NUDCD1: variants seen among roughly 807,000 people sequenced by gnomAD.
NUDCD1 encodes nudC domain-containing protein 1.
In NUDCD1, 60 loss-of-function variants were observed where a neutral mutation model predicts 67.8. The ratio of observed to expected loss-of-function variants is 0.88; its 90% CI spans 0.72 to 1.10. The LOEUF (loss-of-function observed/expected upper bound fraction) is 1.10. Among genes scored for constraint, NUDCD1 ranks in the 50% least tolerant of loss-of-function variants. The pLI is 0.00. For synonymous variants in NUDCD1, 244 were observed against 230.8 expected, an observed-to-expected ratio of 1.06 and a Z score of -0.52; for missense variants, 643 against 695.0, an observed-to-expected ratio of 0.93 and a Z score of 0.84.
At chr8:109,289,622 A>T in intron 5 of NUDCD1, 129 bp downstream of exon 5, 1 of 527,258 alleles carries the variant, frequency 1.9e-6, no homozygotes, top group South Asian at 3.3e-5. Context: ...TGGAAAATAC[A>T]TGAGAAAATA....
intron 8 of NUDCD1, among the ~76,000 whole-genome samples, chr8:109,264,239 AT>A (rs1163911207): frequency 6.6e-6 from 1 of 152,172 alleles, no homozygotes; most frequent in African/African-American, 2.4e-5. Flanking sequence ...TTTGGCAAAC[AT>A]TTTTCCAAAG....
At chr8:109,305,345 C>A (rs1467833937) in intron 2 of NUDCD1, among the ~76,000 whole-genome samples, 1 of 152,084 alleles carries the variant, frequency 6.6e-6, no homozygotes, top group Non-Finnish European at 1.5e-5. Context: ...TTTGGCCTTC[C>A]CACCTCTATA....
intron 3 of NUDCD1, among the ~76,000 whole-genome samples, chr8:109,295,912 T>C (rs913908196): frequency 1.3e-5 from 2 of 152,150 alleles, no homozygotes; most frequent in African/African-American, 4.8e-5. Flanking sequence ...AAAGTAAAAA[T>C]GTTGTCTTGG....
intron 2 of NUDCD1, among the ~76,000 whole-genome samples, chr8:109,319,766 A>G (rs1039351039): frequency 2.0e-5 from 3 of 152,206 alleles, no homozygotes; most frequent in Non-Finnish European, 4.4e-5. Context: ...CAAAGATGAA[A>G]AGTTTATTTT....
chr8:109,273,274 T>C (rs953200069), intron 7 of NUDCD1, among the ~76,000 whole-genome samples: 7 of 152,172 alleles, frequency 4.6e-5, no homozygotes, highest in South Asian at 2.1e-4. Context: ...AGGCTTTCAG[T>C]TGAGATAAAT....
chr8:109,297,576 A>T (rs1191348644), intron 2 of NUDCD1, among the ~76,000 whole-genome samples: 1 of 152,132 alleles, frequency 6.6e-6, no homozygotes, highest in East Asian at 1.9e-4. Context: ...TCCTTTCTGG[A>T]GGATGCAATG....
chr8:109,258,902 T>C (rs916797397), intron 8 of NUDCD1, among the ~76,000 whole-genome samples: 1 of 152,142 alleles, frequency 6.6e-6, no homozygotes, highest in Non-Finnish European at 1.5e-5. Flanking sequence ...TAATAATAAT[T>C]GGCAACCAAT....
intron 7 of NUDCD1, among the ~76,000 whole-genome samples, chr8:109,272,275 T>C (rs1431058316): frequency 6.6e-6 from 1 of 151,236 alleles, no homozygotes; most frequent in Non-Finnish European, 1.5e-5. Flanking sequence ...AAGAATAGAG[T>C]GGAAAATATA....
intron 2 of NUDCD1, among the ~76,000 whole-genome samples, chr8:109,305,493 G>A (rs370580094): frequency 2.6e-5 from 4 of 152,078 alleles, no homozygotes; most frequent in African/African-American, 9.7e-5. Context: ...ACCTCACCAA[G>A]CTCAGCCTCC....
Position 109,242,416 on chromosome 8 carries a change from A to G in NUDCD1, c.*593T>C, listed in dbSNP as rs925937556. On this transcript the variant is annotated 3_prime_UTR_variant, in exon 10 of 10. Transcript: ENST00000239690. ...TTGTTATGCAGTGATGGATAATGTG[A>G]AATCTTATCTCTCTTTGTCTATGTC... 2 of 323,198 alleles carry G rather than the reference A, an allele frequency of 6.2e-6. No individual in the cohort carries two copies. The highest frequency in any genetic ancestry group is 1.1e-5 in the Non-Finnish European group (2 of 179,534). 20.0% of individuals were successfully genotyped at this position (323,198 alleles called of 1,614,324 possible). A position where few individuals can be genotyped will look rare whatever the true frequency, so the allele number is the denominator to read the frequency against.
At chr8:109,305,000 T>C (rs1008501729) in intron 2 of NUDCD1, among the ~76,000 whole-genome samples, 1 of 152,208 alleles carries the variant, frequency 6.6e-6, no homozygotes, top group Admixed American at 6.5e-5. Context: ...CTCTTCCATG[T>C]AGGTTACAAG....
intron 1 of NUDCD1, among the ~76,000 whole-genome samples, chr8:109,333,248 G>C (rs995079088): frequency 5.0e-4 from 76 of 152,102 alleles, no homozygotes; most frequent in African/African-American, 1.6e-3. Context: ...GCAGATCTCT[G>C]GGCTCTATCA....
chr8:109,251,085 G>A (rs1813611821), intron 8 of NUDCD1, among the ~76,000 whole-genome samples: 1 of 152,032 alleles, frequency 6.6e-6, no homozygotes, highest in African/African-American at 2.4e-5. Context: ...GCCATCTGCG[G>A]CTGGAGATTT....
At chr8:109,325,884 C>A (rs148012104) in intron 1 of NUDCD1, among the ~76,000 whole-genome samples, 2 of 152,174 alleles carry the variant, frequency 1.3e-5, no homozygotes, top group African/African-American at 4.8e-5. Flanking sequence ...AAAGCTATTG[C>A]AATCATCTGG....
In NUDCD1 at chr8:109,293,361, A is replaced by C; in HGVS notation, c.623T>G (p.Ile208Ser). The stretch of plus-strand genomic sequence containing the variant: ...TGTTTTACCTTGATTTTTCTTACTG[A>C]TAGTGACCCACTCCAGAGAAACATA... Reference protein sequence around the residue: ...GFYVSLEWVTISKKNQDNKKY... With the variant: ...GFYVSLEWVTSSKKNQDNKKY... Residue 208 changes from isoleucine to serine, a missense_variant, in exon 4 of 10, where the codon ATC becomes AGC. Coordinates refer to ENST00000239690, the MANE Select transcript of NUDCD1 (RefSeq NM_032869.4). The C allele has an allele frequency of 6.4e-7, 1 of 1,563,262 alleles. No homozygotes were observed. The highest frequency in any genetic ancestry group is 2.4e-5 in the East Asian group (1 of 42,434).
chr8:109,309,343 G>A (rs1379469114), intron 2 of NUDCD1, among the ~76,000 whole-genome samples: 1 of 152,104 alleles, frequency 6.6e-6, no homozygotes, highest in Non-Finnish European at 1.5e-5. Flanking sequence ...CACATAAACA[G>A]AATTAAAAAC....
intron 2 of NUDCD1, among the ~76,000 whole-genome samples, chr8:109,306,745 T>C (rs1815117267): frequency 6.6e-6 from 1 of 152,030 alleles, no homozygotes; most frequent in Non-Finnish European, 1.5e-5. Context: ...CTTGTGTCTT[T>C]CATTTAGTTT....
chr8:109,329,470 GA>G (rs1815754569), intron 1 of NUDCD1, among the ~76,000 whole-genome samples: 1 of 151,964 alleles, frequency 6.6e-6, no homozygotes, highest in South Asian at 2.1e-4. Flanking sequence ...TAAAACAGAA[GA>G]AAAAAGGCAT....
intron 6 of NUDCD1, among the ~76,000 whole-genome samples, chr8:109,276,379 A>C (rs1453339844): frequency 6.6e-6 from 1 of 152,226 alleles, no homozygotes; most frequent in African/African-American, 2.4e-5. Flanking sequence ...ACAACAAAGC[A>C]ACCTTTTCCA....
Sources: gnomAD v4.1 joint callset for allele counts (sites outside exome capture counted in the v4.1 genomes callset) on GRCh38, gnomAD v4.1.1 for gene constraint, MANE v1.5 for transcripts, NCBI Gene and HGNC (gene_info 2026-07-23, HGNC 2026-07-21) for gene names.